Variants in VPS33A observed in about 807,000 individuals in gnomAD.
VPS33A encodes VPS33A core subunit of CORVET and HOPS complexes.
In VPS33A, 32 loss-of-function variants were observed where a neutral mutation model predicts 71.8. The observed-to-expected ratio is 0.45, with a 90% CI of 0.34 to 0.60. VPS33A has a LOEUF of 0.60. Among genes scored for constraint, VPS33A ranks in the 20% least tolerant of loss-of-function variants. The probability of loss-of-function intolerance (pLI) is 0.02; values close to 1 mark genes in which losing one functional copy is unlikely to be tolerated. For synonymous variants in VPS33A, 311 were observed against 292.7 expected (o/e 1.06, Z -0.64); for missense variants, 625 against 748.5 (o/e 0.84, Z 1.92).
intron 10 of VPS33A, among the ~76,000 whole-genome samples, chr12:122,237,454 T>TTTG (rs1257123819): frequency 6.6e-6 from 1 of 152,134 alleles, no homozygotes; most frequent in African/African-American, 2.4e-5. Flanking sequence ...GTTGTGAATA[T>TTTG]TTGTTGTTGT....
chr12:122,245,213 C>T (rs1027741508), intron 6 of VPS33A, among the ~76,000 whole-genome samples: 1 of 151,992 alleles, frequency 6.6e-6, no homozygotes, highest in Admixed American at 6.6e-5. Context: ...GTAGAAAATA[C>T]AAAAGCTTAT....
chr12:122,250,109 T>A, intron 5 of VPS33A, 64 bp from the exon 6 acceptor site: 1 of 1,470,976 alleles, frequency 6.8e-7, no homozygotes, highest in Non-Finnish European at 9.1e-7. Flanking sequence ...AAAATTTGTC[T>A]AAAACCAGAA....
rs542826703 is a variant in VPS33A, at chr12:122,254,012, T to C, written c.484-2913A>G. Among the ~76,000 whole-genome samples the C allele has an allele frequency of 1.1e-4, 17 of 152,252 alleles. No individual in the cohort carries two copies. The South Asian group carries it at 3.5e-3, about 32-fold the overall frequency. ...CTTAACATTTAAATGCGCATTTTTT[T>C]AACCCCAAAGTCTCACATACCCACA... is the stretch of plus-strand genomic sequence containing the variant. On this transcript the variant is annotated intron_variant, in intron 4 of 12. Coordinates refer to ENST00000267199, the MANE Select transcript of VPS33A (RefSeq NM_022916.6).
intron 6 of VPS33A, chr12:122,249,232 TTC>T (rs1181428395): frequency 6.6e-6 from 1 of 152,170 alleles, no homozygotes; most frequent in African/African-American, 2.4e-5. Context: ...TCCAAATATT[TTC>T]TTTTTTTTTG....
intron 4 of VPS33A, among the ~76,000 whole-genome samples, chr12:122,257,747 A>G (rs1359415293): frequency 1.3e-5 from 2 of 152,134 alleles, no homozygotes; most frequent in Non-Finnish European, 2.9e-5. Context: ...ATCTAAAAGA[A>G]CAAAAGTGAT....
chr12:122,235,923 T>A lies in VPS33A; in HGVS notation c.1303A>T (p.Thr435Ser). The A allele has an allele frequency of 6.3e-7, 1 of 1,597,674 alleles. No individual in the cohort carries two copies. Among genetic ancestry groups the A allele is most frequent in the Non-Finnish European group, 8.5e-7 (1 of 1,173,310 alleles). The change falls in exon 11 of 13, where the codon ACA (threonine) becomes TCA (serine). Residue 435 changes from threonine (T) to serine (S), a missense_variant and splice_region_variant. By Grantham distance (58) the Thr-to-Ser change is moderately conservative (BLOSUM62 1). Coordinates refer to ENST00000267199, the MANE Select transcript of VPS33A (RefSeq NM_022916.6). ...LDYYKREILQTYGYEHILTLH... is the reference protein window; with the variant it reads ...LDYYKREILQSYGYEHILTLH... ...GTCAATATGTGCTCATAGCCGTATGTCTGCAAGGGAAGTCATTTGGCCTTG... is the reference window on the plus strand; with the variant it reads ...GTCAATATGTGCTCATAGCCGTATGACTGCAAGGGAAGTCATTTGGCCTTG...
chr12:122,240,221 G>A (rs988975796), intron 8 of VPS33A, among the ~76,000 whole-genome samples: 3 of 152,042 alleles, frequency 2.0e-5, no homozygotes, highest in Non-Finnish European at 4.4e-5. Context: ...CCAGCTACTC[G>A]GGAGGCTAAG....
At chr12:122,253,038 G>GA (rs1954865505) in intron 4 of VPS33A, 2 of 152,228 alleles carry the variant, frequency 1.3e-5, no homozygotes, top group South Asian at 4.1e-4. Flanking sequence ...CTGAGGAAGA[G>GA]AGAGCGGGGT....
intron 11 of VPS33A, among the ~76,000 whole-genome samples, chr12:122,234,613 G>T (rs959929478): frequency 3.3e-5 from 5 of 152,264 alleles, no homozygotes; most frequent in Non-Finnish European, 7.4e-5. Flanking sequence ...GTTTATGAGT[G>T]CTGGACATCT....
intron 4 of VPS33A, chr12:122,253,131 C>T (rs377403751): frequency 2.6e-5 from 4 of 152,180 alleles, no homozygotes; most frequent in African/African-American, 7.2e-5. Context: ...AGAGTGTCGC[C>T]GGACTACTCT....
At chr12:122,264,541 C>G (rs188739158) in intron 1 of VPS33A, among the ~76,000 whole-genome samples, 19 of 152,180 alleles carry the variant, frequency 1.2e-4, no homozygotes, top group African/African-American at 4.6e-4. Flanking sequence ...TAGGCATGCA[C>G]CACCATGCCT....
intron 5 of VPS33A, among the ~76,000 whole-genome samples, chr12:122,250,748 T>C (rs904859310): frequency 6.6e-6 from 1 of 152,150 alleles, no homozygotes; most frequent in African/African-American, 2.4e-5. Flanking sequence ...GCTGCCTCAG[T>C]TGGGAACATG....
At chr12:122,241,134 CAA>C (rs545099449) in intron 8 of VPS33A, 7 of 52,166 alleles carry the variant, frequency 1.3e-4, no homozygotes, top group Non-Finnish European at 2.0e-4. Context: ...AACTCCGTCT[CAA>C]AAAAAAAAAA....
At chr12:122,239,023 C>CACACA (rs879321610) in intron 9 of VPS33A, among the ~76,000 whole-genome samples, 1 of 148,980 alleles carries the variant, frequency 6.7e-6, no homozygotes, top group African/African-American at 2.5e-5. Context: ...ACACACACAC[C>CACACA]CCCCAGTGAT....
intron 2 of VPS33A, 128 bp downstream of exon 2, chr12:122,264,006 A>G: frequency 3.8e-6 from 3 of 780,366 alleles, no homozygotes; most frequent in Non-Finnish European, 6.0e-6. Context: ...ATCGGGCACT[A>G]GTATTAGTGT....
Position 122,251,050 on chromosome 12 carries a change from C to A in VPS33A, c.533G>T (p.Gly178Val), listed in dbSNP as rs1174096081. The A allele has an allele frequency of 6.2e-7, 1 of 1,614,178 alleles. No homozygotes were observed. Among genetic ancestry groups the A allele is most frequent in the Admixed American group, 1.7e-5 (1 of 60,006 alleles). Residue 178 changes from glycine to valine, a missense_variant, in exon 5 of 13, where the codon GGG becomes GTG. By Grantham distance (109) the Gly-to-Val change is moderately radical. Coordinates refer to ENST00000267199, the MANE Select transcript of VPS33A (RefSeq NM_022916.6). ...DQTSLYHAAK[G>V]LMTLQALYGT... ...ATACAGAGCTTGCAGGGTCATCAGC[C>A]CCTTGGCTGCGTGGTACAGGCTCGT...
Position 122,232,950 on chromosome 12 carries a change from A to T in VPS33A, c.1459T>A (p.Tyr487Asn). The T allele has an allele frequency of 1.2e-6, 2 of 1,609,840 alleles. No homozygotes were observed. The highest frequency in any genetic ancestry group is 1.7e-6 in the Non-Finnish European group (2 of 1,177,512). ...VNEQNPTDIS[Y>N]VYSGYAPLSV... ...AGCGGGGCATACCCACTGTACACAT[A>T]CGATATGTCCGTGGGGTTCTGTGAG... Residue 487 changes from tyrosine to asparagine, a missense_variant, in exon 12 of 13, where the codon TAT becomes AAT. By Grantham distance (143) the Tyr-to-Asn change is moderately radical. Transcript: ENST00000267199.
In VPS33A at chr12:122,255,910, C is replaced by T. The variant is rs576800767; in HGVS notation, c.484-4811G>A. Among the ~76,000 whole-genome samples, 181 of 151,856 alleles carry T rather than the reference C, an allele frequency of 1.2e-3. 2 individuals are homozygous for T. The highest frequency in any genetic ancestry group is 4.2e-3 in the African/African-American group (172 of 41,276). ...CCTCAACCTCCTGGGCTCAAGTGAT[C>T]CTTCTGCCTCAGCCTCCTGAGTTAC... On this transcript the variant is annotated intron_variant, in intron 4 of 12. Transcript: ENST00000267199.
At chr12:122,233,820 G>T (rs1289331121) in intron 11 of VPS33A, among the ~76,000 whole-genome samples, 1 of 152,132 alleles carries the variant, frequency 6.6e-6, no homozygotes, top group Admixed American at 6.6e-5. Flanking sequence ...GATCACAGAA[G>T]ACCCTTCAAG....
Sources: allele counts gnomAD v4.1 joint callset (sites outside exome capture counted in the v4.1 genomes callset), GRCh38; gene constraint gnomAD v4.1.1; transcripts MANE v1.5; gene names NCBI Gene and HGNC (gene_info 2026-07-23, HGNC 2026-07-21).